The following FBXW7 variants were observed in gnomAD, a reference collection of about 807,000 sequenced individuals.
The protein encoded by FBXW7 is F-box and WD repeat domain containing 7.
In FBXW7, 11 loss-of-function variants were observed where a neutral mutation model predicts 86.3. That is an observed-to-expected ratio of 0.13 (90% CI 0.08 to 0.21). FBXW7 has a LOEUF of 0.21. Ranked by LOEUF, FBXW7 falls within the 10% of genes least tolerant of loss-of-function variation. FBXW7 has a pLI of 1.00. For missense variants in FBXW7, 488 were observed against 847.4 expected, an observed-to-expected ratio of 0.58 and a Z score of 5.27; for synonymous variants, 313 against 297.9, an observed-to-expected ratio of 1.05 and a Z score of -0.52.
intron 2 of FBXW7, among the ~76,000 whole-genome samples, chr4:152,480,194 A>T (rs1299008604): frequency 6.6e-6 from 1 of 152,182 alleles, no homozygotes; most frequent in African/African-American, 2.4e-5. Context: ...TTTGTGTCTC[A>T]GTATCACATT....
chr4:152,338,573 TAAGA>T (rs897963333), intron 6 of FBXW7, among the ~76,000 whole-genome samples: 7 of 151,738 alleles, frequency 4.6e-5, no homozygotes, highest in Admixed American at 2.0e-4. Context: ...CAAAAGAGGA[TAAGA>T]AAGAGATACA....
At chr4:152,462,949 T>C (rs2149634723) in intron 2 of FBXW7, among the ~76,000 whole-genome samples, 1 of 149,560 alleles carries the variant, frequency 6.7e-6, no homozygotes, top group East Asian at 2.0e-4. Flanking sequence ...TCTCACATAG[T>C]ACACTGAGTA....
chr4:152,452,742 T>C (rs537178046), intron 2 of FBXW7, among the ~76,000 whole-genome samples: 1 of 152,332 alleles, frequency 6.6e-6, no homozygotes, highest in East Asian at 1.9e-4. Context: ...TACAAACCAC[T>C]AGTTTTAAGT....
chr4:152,514,721 A>T (rs1748305978), intron 2 of FBXW7, among the ~76,000 whole-genome samples: 1 of 151,660 alleles, frequency 6.6e-6, no homozygotes, highest in Non-Finnish European at 1.5e-5. Flanking sequence ...GCTCCCCTTC[A>T]CTCTCTGCCA....
chr4:152,375,885 A>T (rs1455000504), intron 4 of FBXW7, among the ~76,000 whole-genome samples: 1 of 152,090 alleles, frequency 6.6e-6, no homozygotes, highest in Non-Finnish European at 1.5e-5. Context: ...GTGTACAGTG[A>T]TGTGGTTAAA....
intron 5 of FBXW7, among the ~76,000 whole-genome samples, chr4:152,347,921 A>T (rs1221261217): frequency 6.6e-6 from 1 of 152,074 alleles, no homozygotes; most frequent in Non-Finnish European, 1.5e-5. Context: ...TTCTGCATGT[A>T]ATTAAACTAA....
At chr4:152,328,473 G>T in intron 10 of FBXW7, 84 bp from the exon 11 acceptor site, 2 of 901,160 alleles carry the variant, frequency 2.2e-6, no homozygotes, top group Non-Finnish European at 3.2e-6. Context: ...AAAATTTGGA[G>T]TAAAGTTACT....
At chr4:152,502,229 T>G (rs527300966) in intron 2 of FBXW7, among the ~76,000 whole-genome samples, 1 of 152,130 alleles carries the variant, frequency 6.6e-6, no homozygotes, top group Non-Finnish European at 1.5e-5. Flanking sequence ...TTGTACTTAA[T>G]TTAAATTTAA....
At chr4:152,375,450 AAAG>A (rs1734415262) in intron 4 of FBXW7, among the ~76,000 whole-genome samples, 3 of 152,244 alleles carry the variant, frequency 2.0e-5, no homozygotes, top group Admixed American at 2.0e-4. Context: ...AAAACGATGA[AAAG>A]AATAGAAGAA....
At chr4:152,466,891 G>A (rs1346373377) in intron 2 of FBXW7, among the ~76,000 whole-genome samples, 3 of 152,128 alleles carry the variant, frequency 2.0e-5, no homozygotes, top group African/African-American at 7.2e-5. Flanking sequence ...GCAGTGAGCT[G>A]AGATCGCGCC....
chr4:152,481,559 T>C (rs1275822484), intron 2 of FBXW7, among the ~76,000 whole-genome samples: 1 of 152,196 alleles, frequency 6.6e-6, no homozygotes, highest in African/African-American at 2.4e-5. Context: ...CTGATAGATG[T>C]GGGCAAAGTA....
intron 2 of FBXW7, among the ~76,000 whole-genome samples, chr4:152,515,933 T>C (rs919579227): frequency 6.6e-6 from 1 of 152,182 alleles, no homozygotes; most frequent in Admixed American, 6.5e-5. Flanking sequence ...AAGAACATGG[T>C]GGCGGGGGTG....
intron 2 of FBXW7, among the ~76,000 whole-genome samples, chr4:152,517,848 G>A (rs1579413306): frequency 6.6e-6 from 1 of 152,246 alleles, no homozygotes; most frequent in Non-Finnish European, 1.5e-5. Flanking sequence ...ATACTAATGA[G>A]CCTTAGACTT....
chr4:152,471,305 C>T (rs979489495), intron 2 of FBXW7, among the ~76,000 whole-genome samples: 6 of 147,686 alleles, frequency 4.1e-5, no homozygotes, highest in African/African-American at 1.5e-4. Context: ...ATACACAGCA[C>T]ATAAAAAAAC....
intron 2 of FBXW7, among the ~76,000 whole-genome samples, chr4:152,423,148 G>T (rs999952913): frequency 3.3e-5 from 5 of 152,112 alleles, no homozygotes; most frequent in African/African-American, 1.2e-4. Flanking sequence ...TCCTTCTTAT[G>T]ATTTTAGCAG....
intron 4 of FBXW7, among the ~76,000 whole-genome samples, chr4:152,401,335 A>G (rs1736906514): frequency 6.6e-6 from 1 of 152,264 alleles, no homozygotes; most frequent in African/African-American, 2.4e-5. Flanking sequence ...GTATATCCAA[A>G]CAATGGAATA....
At chr4:152,533,684 C>CA in intron 2 of FBXW7, among the ~76,000 whole-genome samples, 1 of 152,254 alleles carries the variant, frequency 6.6e-6, no homozygotes. Flanking sequence ...TCTTGAAACA[C>CA]AAACTCTGAC....
At position 152,322,867 on chromosome 4, in the gene FBXW7, A is replaced by T. The variant is rs766564757; in HGVS notation, c.*14T>A. ...ATCGTCTACACAATTGGACAAATTC[A>T]TCTTTTCTGCTCTTCACTTCATGTC... is the stretch of plus-strand genomic sequence containing the variant. On this transcript the variant is annotated 3_prime_UTR_variant, in exon 14 of 14. Transcript: ENST00000281708. 6.2e-7 allele frequency: 1 copy of T among 1,612,474 alleles called. No homozygotes were observed. The highest frequency in any genetic ancestry group is 8.5e-7 in the Non-Finnish European group (1 of 1,178,800).
rs1750485330 is a variant in FBXW7 at position 152,535,691 on chromosome 4, C to T, written c.-777G>A. 4 of 395,938 alleles carry T rather than the reference C, an allele frequency of 1.0e-5. No homozygotes were observed. Among genetic ancestry groups the T allele is most frequent in the South Asian group, 1.3e-4 (1 of 7,948 alleles). The allele number at this position is 395,938 out of a possible 1,614,324, so 24.5% of individuals were successfully genotyped here. A position where few individuals can be genotyped will look rare whatever the true frequency, so the allele number is the denominator to read the frequency against. On this transcript the variant is annotated 5_prime_UTR_variant, in exon 1 of 14. Transcript: ENST00000281708. ...CCCTCCCTACACCTTGGGGGTCTCG[C>T]CCCACGCCCCACGGGACGAGGCAGA...
Sources: allele counts gnomAD v4.1 joint callset (sites outside exome capture counted in the v4.1 genomes callset), GRCh38; gene constraint gnomAD v4.1.1; transcripts MANE v1.5; gene names NCBI Gene and HGNC (gene_info 2026-07-23, HGNC 2026-07-21).